The following RAB10 variants were observed in gnomAD, a reference collection of about 807,000 sequenced individuals.
The protein encoded by RAB10 is ras-related protein Rab-10.
RAB10 carries 5 observed loss-of-function variants against 25.7 expected under a neutral mutation model. The observed-to-expected ratio is 0.19, with a 90% CI of 0.10 to 0.41. RAB10 has a LOEUF of 0.41. RAB10 is among the 10% of genes least tolerant of loss of function. RAB10 has a pLI of 1.00. For synonymous variants in RAB10, 89 were observed against 86.4 expected (o/e 1.03, Z -0.16); for missense variants, 103 against 245.8 (o/e 0.42, Z 3.89).
chr2:26,057,256 G>T (rs971724881), intron 1 of RAB10, among the ~76,000 whole-genome samples: 2 of 152,060 alleles, frequency 1.3e-5, no homozygotes, highest in African/African-American at 4.8e-5. Context: ...TGAGCATGGA[G>T]TGAGAAGACC....
intron 1 of RAB10, among the ~76,000 whole-genome samples, chr2:26,056,119 G>A (rs545928614): frequency 1.3e-5 from 2 of 152,016 alleles, no homozygotes; most frequent in African/African-American, 4.8e-5. Flanking sequence ...TCGAACTCTT[G>A]AACTCAAGGG....
chr2:26,128,146 G>A (rs1292293314), intron 5 of RAB10, among the ~76,000 whole-genome samples, 195 bp downstream of exon 5: 2 of 152,150 alleles, frequency 1.3e-5, no homozygotes, highest in Non-Finnish European at 2.9e-5. Context: ...GTACTGGGGG[G>A]TAGTTTCACC....
intron 1 of RAB10, among the ~76,000 whole-genome samples, chr2:26,049,474 T>A (rs1296698498): frequency 2.6e-5 from 4 of 151,552 alleles, no homozygotes; most frequent in African/African-American, 7.3e-5. Context: ...AGTGGCACGA[T>A]CTCTGCTCAC....
chr2:26,080,831 C>T (rs1448845611), intron 1 of RAB10, among the ~76,000 whole-genome samples: 3 of 152,060 alleles, frequency 2.0e-5, no homozygotes, highest in African/African-American at 7.2e-5. Context: ...AGTAAATTTG[C>T]AATAGAGAGA....
chr2:26,098,510 A>G, intron 1 of RAB10, 152 bp from the exon 2 acceptor site: 1 of 612,930 alleles, frequency 1.6e-6, no homozygotes, highest in Non-Finnish European at 2.8e-6. Context: ...TTAAAATTGG[A>G]TACATTTGCT....
intron 1 of RAB10, among the ~76,000 whole-genome samples, chr2:26,053,797 GC>G (rs1335844844): frequency 1.3e-5 from 2 of 152,012 alleles, no homozygotes; most frequent in African/African-American, 4.8e-5. Flanking sequence ...TCGGCTCACT[GC>G]AACTTCTGCC....
At chr2:26,067,866 T>G (rs985646416) in intron 1 of RAB10, among the ~76,000 whole-genome samples, 44 of 152,254 alleles carry the variant, frequency 2.9e-4, no homozygotes, top group African/African-American at 1.1e-3. Context: ...ACAGTAGATT[T>G]GTACACGATG....
rs1276682755 is a variant in RAB10 at position 26,136,410 on chromosome 2, G to A, written c.*1389G>A. 1 of 152,512 alleles carries A rather than the reference G, an allele frequency of 6.6e-6. No individual in the cohort carries two copies. Among genetic ancestry groups the A allele is most frequent in the Admixed American group, 6.6e-5 (1 of 15,246 alleles). The allele number at this position is 152,512 out of a possible 1,614,324, so 9.4% of individuals were successfully genotyped here. On this transcript the variant is annotated 3_prime_UTR_variant, in exon 6 of 6. Transcript: ENST00000264710. Reference sequence around the variant, plus strand: ...TAGAATATTATTAATTTTAAGTCCTGTCTTTACATCCTTTTGGAAAACTTG... The same window carrying A: ...TAGAATATTATTAATTTTAAGTCCTATCTTTACATCCTTTTGGAAAACTTG...
At chr2:26,053,719 C>CT (rs5829991) in intron 1 of RAB10, among the ~76,000 whole-genome samples, 5,150 of 149,888 alleles carry the variant, frequency 0.034, 289 homozygotes, top group African/African-American at 0.12. Flanking sequence ...GTGTATATTT[C>CT]TTTTTTTTTT....
At chr2:26,045,856 A>C (rs1425253273) in intron 1 of RAB10, among the ~76,000 whole-genome samples, 1 of 152,056 alleles carries the variant, frequency 6.6e-6, no homozygotes, top group Non-Finnish European at 1.5e-5. Context: ...CAGCTTTTTA[A>C]AACTTTATTT....
chr2:26,066,693 G>T (rs1365892348), intron 1 of RAB10, among the ~76,000 whole-genome samples: 1 of 151,914 alleles, frequency 6.6e-6, no homozygotes, highest in Non-Finnish European at 1.5e-5. Context: ...CCTCCCACCG[G>T]GTCCTTCCCA....
At chr2:26,033,715 A>C (rs961190503), upstream of RAB10, among the ~76,000 whole-genome samples, 3 of 151,118 alleles carry the variant, frequency 2.0e-5, no homozygotes, top group African/African-American at 7.3e-5. Context: ...AGCGCAGTCC[A>C]GCGGGAGACC....
chr2:26,107,774 C>T (rs1237203125), intron 2 of RAB10, among the ~76,000 whole-genome samples: 2 of 150,966 alleles, frequency 1.3e-5, no homozygotes, highest in Admixed American at 6.6e-5. Flanking sequence ...CCAGCCTGGG[C>T]GGCAAGATCG....
chr2:26,090,510 T>TTA (rs1559590285), intron 1 of RAB10, among the ~76,000 whole-genome samples: 5 of 151,684 alleles, frequency 3.3e-5, no homozygotes. Flanking sequence ...GCCTTTTTTT[T>TTA]TTATTATTTT....
At chr2:26,078,206 A>G (rs1028439369) in intron 1 of RAB10, among the ~76,000 whole-genome samples, 1 of 152,208 alleles carries the variant, frequency 6.6e-6, no homozygotes, top group East Asian at 1.9e-4. Flanking sequence ...AGGGCATCCA[A>G]TGTCTGTAGA....
intron 1 of RAB10, among the ~76,000 whole-genome samples, chr2:26,053,104 ATC>A (rs1222269380): frequency 6.6e-6 from 1 of 152,180 alleles, no homozygotes; most frequent in Non-Finnish European, 1.5e-5. Flanking sequence ...GGTTAGAAAG[ATC>A]TCTCTGCTGT....
chr2:26,094,791 TA>T (rs1482422471), intron 1 of RAB10, among the ~76,000 whole-genome samples: 1 of 152,150 alleles, frequency 6.6e-6, no homozygotes, highest in Admixed American at 6.5e-5. Flanking sequence ...ACTCTTGACT[TA>T]AAGTGATACC....
At chr2:26,085,462 C>T (rs1168837602) in intron 1 of RAB10, among the ~76,000 whole-genome samples, 1 of 148,406 alleles carries the variant, frequency 6.7e-6, no homozygotes, top group Admixed American at 6.8e-5. Context: ...GCACTCCAGC[C>T]TGGGTGGCAG....
At chr2:26,040,996 G>A (rs1307253639) in intron 1 of RAB10, among the ~76,000 whole-genome samples, 1 of 151,360 alleles carries the variant, frequency 6.6e-6, no homozygotes, top group Admixed American at 6.6e-5. Flanking sequence ...ACGAATCCAA[G>A]GGCACCAGAA....
Sources: allele counts gnomAD v4.1 joint callset (sites outside exome capture counted in the v4.1 genomes callset), GRCh38; gene constraint gnomAD v4.1.1; transcripts MANE v1.5; gene names NCBI Gene and HGNC (gene_info 2026-07-23, HGNC 2026-07-21).